The following SLC9A8 variants were observed in gnomAD, a reference collection of about 807,000 sequenced individuals.
SLC9A8 encodes solute carrier family 9 member A8.
SLC9A8 carries 48 observed loss-of-function variants against 66.6 expected under a neutral mutation model. The ratio of observed to expected loss-of-function variants is 0.72; its 90% CI spans 0.57 to 0.92. The LOEUF (loss-of-function observed/expected upper bound fraction) is 0.92. Ranked by LOEUF, SLC9A8 falls within the 40% of genes least tolerant of loss-of-function variation. The pLI is 0.00. For missense variants in SLC9A8, 599 were observed against 747.3 expected (o/e 0.80, Z 2.31); for synonymous variants, 274 against 282.6 (o/e 0.97, Z 0.31).
intron 3 of SLC9A8, among the ~76,000 whole-genome samples, chr20:49,831,429 CTCTG>C (rs1328797616): frequency 1.7e-4 from 25 of 151,000 alleles, no homozygotes; most frequent in African/African-American, 5.1e-4. Context: ...CTCTCTCTCT[CTCTG>C]TCTCTCTCTC....
intron 6 of SLC9A8, 176 bp from the exon 7 acceptor site, chr20:49,850,634 G>C (rs1014567259): frequency 3.2e-6 from 2 of 629,228 alleles, no homozygotes; most frequent in Non-Finnish European, 5.3e-6. Flanking sequence ...GTTGCATGCC[G>C]ATGGAATGCA....
At chr20:49,884,227 C>CACACGCGCG (rs1555848218) in intron 14 of SLC9A8, 161 bp downstream of exon 14, 5 of 216,464 alleles carry the variant, frequency 2.3e-5, no homozygotes, top group East Asian at 7.0e-5. Flanking sequence ...CACACACACA[C>CACACGCGCG]ACACACACAC....
intron 4 of SLC9A8, among the ~76,000 whole-genome samples, chr20:49,842,704 C>G (rs1013189708): frequency 6.6e-6 from 1 of 152,194 alleles, no homozygotes; most frequent in Non-Finnish European, 1.5e-5. Context: ...AACTGTAACA[C>G]TATTTCCCTG....
intron 2 of SLC9A8, among the ~76,000 whole-genome samples, chr20:49,822,049 G>A (rs2086757653): frequency 6.6e-6 from 1 of 152,192 alleles, no homozygotes; most frequent in Non-Finnish European, 1.5e-5. Flanking sequence ...AATCAGAGAA[G>A]ATAGTGGTAA....
intron 5 of SLC9A8, among the ~76,000 whole-genome samples, chr20:49,846,114 C>A (rs2087978830): frequency 6.6e-6 from 1 of 152,214 alleles, no homozygotes; most frequent in South Asian, 2.1e-4. Context: ...GCTGGGGTTA[C>A]AGGCATGAGC....
chr20:49,869,757 A>G (rs1193987100), intron 10 of SLC9A8, among the ~76,000 whole-genome samples: 2 of 151,892 alleles, frequency 1.3e-5, no homozygotes, highest in Non-Finnish European at 2.9e-5. Flanking sequence ...TGCTTGAACC[A>G]GGGAAGCAGA....
In SLC9A8 at chr20:49,864,803, C is replaced by G. The variant is rs1421901106; in HGVS notation, c.917C>G (p.Ala306Gly). The part of the protein sequence containing the change: ...SLEFGMMIIF[A>G]YLPYGLAEGI... Reference sequence around the variant, plus strand: ...GAGTTTGGCATGATGATCATTTTTGCTTATCTGCCTTATGGGCTTGCAGAA... The same window carrying G: ...GAGTTTGGCATGATGATCATTTTTGGTTATCTGCCTTATGGGCTTGCAGAA... Residue 306 changes from alanine to glycine, a missense_variant, in exon 10 of 16, where the codon GCT (alanine) becomes GGT (glycine). By Grantham distance (60) the Ala-to-Gly change is moderately conservative. This residue lies in a region of SLC9A8 where 467 missense variants were observed against 626.5 expected (regional missense o/e 0.75). Transcript: ENST00000361573. The G allele has an allele frequency of 5.6e-6, 9 of 1,613,804 alleles. No individual in the cohort carries two copies. The highest frequency in any genetic ancestry group is 7.6e-6 in the Non-Finnish European group (9 of 1,179,828).
intron 10 of SLC9A8, among the ~76,000 whole-genome samples, chr20:49,867,889 G>T (rs980449917): frequency 3.3e-5 from 5 of 152,218 alleles, no homozygotes; most frequent in Non-Finnish European, 7.3e-5. Flanking sequence ...TTTCTACCCA[G>T]TCGCTATCCG....
chr20:49,815,499 A>T, intron 2 of SLC9A8: 1 of 209,586 alleles, frequency 4.8e-6, no homozygotes, highest in Non-Finnish European at 9.4e-6. Flanking sequence ...CTGACATCTC[A>T]GCACTTTGGG....
intron 10 of SLC9A8, among the ~76,000 whole-genome samples, chr20:49,868,786 G>A (rs913210765): frequency 3.3e-5 from 5 of 152,188 alleles, no homozygotes; most frequent in East Asian, 1.9e-4. Context: ...AGTGGGGAGC[G>A]ATGCAAGTGA....
At chr20:49,839,654 C>A in intron 4 of SLC9A8, 55 bp downstream of exon 4, 1 of 1,138,582 alleles carries the variant, frequency 8.8e-7, no homozygotes, top group South Asian at 1.4e-5. Flanking sequence ...ATTATGCTGG[C>A]TTTTTTGTAA....
Position 49,840,989 on chromosome 20 carries a change from T to A in SLC9A8, c.348+1390T>A, listed in dbSNP as rs144907306. On this transcript the variant is annotated intron_variant, in intron 4 of 15. Transcript: ENST00000361573. ...AAAAAAAAAAAGATCAAAATTTGAA[T>A]TGACTTTAAAACAATTAAAAATTGT... is the stretch of plus-strand genomic sequence containing the variant. Among the ~76,000 whole-genome samples, 1,437 of 150,960 alleles carry A rather than the reference T, an allele frequency of 9.5e-3. 12 individuals carry two copies. The highest frequency in any genetic ancestry group is 0.02 in the Middle Eastern group (6 of 294).
intron 14 of SLC9A8, among the ~76,000 whole-genome samples, chr20:49,885,158 G>C (rs1369872298): frequency 6.6e-6 from 1 of 152,162 alleles, no homozygotes; most frequent in African/African-American, 2.4e-5. Flanking sequence ...ACCACACTAA[G>C]AGGCCCTTTG....
chr20:49,863,124 C>G (rs1341462503), intron 9 of SLC9A8, 57 bp downstream of exon 9: 1 of 1,471,830 alleles, frequency 6.8e-7, no homozygotes, highest in Non-Finnish European at 9.2e-7. Context: ...TAACTTCTGT[C>G]TCTAGCCAGT....
At chr20:49,854,886 A>G (rs2088405574) in intron 7 of SLC9A8, among the ~76,000 whole-genome samples, 1 of 152,068 alleles carries the variant, frequency 6.6e-6, no homozygotes, top group African/African-American at 2.4e-5. Flanking sequence ...CTTCACGGGG[A>G]CTGTCAGTGA....
chr20:49,816,134 T>C lies in SLC9A8; in HGVS notation c.208+945T>C, dbSNP rs140477662. ...TGCATTCACTCTCTGAAAACCTCAT[T>C]TTGGGCCGAGTTTGGTGGCTCATGC... is the stretch of plus-strand genomic sequence containing the variant. On this transcript the variant is annotated intron_variant, in intron 2 of 15. Transcript: ENST00000361573. Among the ~76,000 whole-genome samples, 1,305 of 152,222 alleles carry C rather than the reference T, an allele frequency of 8.6e-3. 19 individuals carry two copies. The highest frequency in any genetic ancestry group is 0.03 in the African/African-American group (1,255 of 41,520).
chr20:49,884,179 C>A, intron 14 of SLC9A8, 113 bp downstream of exon 14: 1 of 703,300 alleles, frequency 1.4e-6, no homozygotes, highest in Non-Finnish European at 2.4e-6. Flanking sequence ...TTTGAGGATG[C>A]CCAGCACCTC....
At chr20:49,841,564 GTA>G (rs56142537) in intron 4 of SLC9A8, among the ~76,000 whole-genome samples, 36,494 of 150,708 alleles carry the variant, frequency 0.24, 4,639 homozygotes, top group Non-Finnish European at 0.29. Context: ...TTAATTATAT[GTA>G]TATATATATA....
rs2089601657 is a variant in SLC9A8, at chr20:49,880,864, A to G, written c.1159-60A>G. 14 of 1,123,614 alleles carry G rather than the reference A, an allele frequency of 1.2e-5. No individual in the cohort carries two copies. In the Admixed American group the frequency reaches 2.4e-4, roughly 19 times the overall value. The allele number at this position is 1,123,614 out of a possible 1,614,324, so 69.6% of individuals were successfully genotyped here. A position where few individuals can be genotyped will look rare whatever the true frequency, so the allele number is the denominator to read the frequency against. ...ACAGTCTGCATTAGCTTCATCCAAG[A>G]AGCTTCAGCTTGAAGAGCCAGATGT... On this transcript the variant is annotated intron_variant, in intron 12 of 15. Coordinates refer to ENST00000361573, the MANE Select transcript of SLC9A8 (RefSeq NM_015266.3).
Sources: gnomAD v4.1 joint callset for allele counts (sites outside exome capture counted in the v4.1 genomes callset) on GRCh38, gnomAD v4.1.1 for gene constraint, gnomAD v4.1.1 regional missense constraint, MANE v1.5 for transcripts, NCBI Gene and HGNC (gene_info 2026-07-23, HGNC 2026-07-21) for gene names.